The following ATP6V0A1 variants were observed in gnomAD, a reference collection of about 807,000 sequenced individuals.
The protein encoded by ATP6V0A1 is V-type proton ATPase 116 kDa subunit a 1.
A neutral mutation model predicts 105.4 loss-of-function variants in ATP6V0A1; 43 were observed. The observed-to-expected ratio is 0.41, with a 90% confidence interval of 0.32 to 0.53. ATP6V0A1 has a LOEUF of 0.53. Among genes scored for constraint, ATP6V0A1 ranks in the 20% least tolerant of loss-of-function variants. The pLI is 0.30. For missense variants in ATP6V0A1, 676 were observed against 1,051.1 expected, an observed-to-expected ratio of 0.64 and a Z score of 4.93; for synonymous variants, 362 against 372.8, an observed-to-expected ratio of 0.97 and a Z score of 0.33.
At chr17:42,480,457 A>T (rs1246828133) in intron 7 of ATP6V0A1, 6 of 444,536 alleles carry the variant, frequency 1.3e-5, no homozygotes, top group South Asian at 6.9e-5. Context: ...AAAAACAAAT[A>T]GAGAAAGATT....
intron 11 of ATP6V0A1, among the ~76,000 whole-genome samples, chr17:42,493,634 A>T (rs1243841389): frequency 6.6e-6 from 1 of 152,076 alleles, no homozygotes; most frequent in Admixed American, 6.6e-5. Flanking sequence ...CATCTAAAAA[A>T]ATATTATTTA....
At position 42,521,051 on chromosome 17, in the gene ATP6V0A1, C is replaced by T. The variant is rs761458313; in HGVS notation, c.2445C>T (p.Tyr815=). 1.9e-6 allele frequency: 3 copies of T among 1,607,620 alleles called. No individual in the cohort carries two copies. In the South Asian group the frequency reaches 3.3e-5, roughly 18 times the overall value. ...GGGTTGAGTTCCAGAATAAATTCTA[C>T]AGCGGGACCGGTTTCAAGTTCTTAC... ...LHWVEFQNKF[Y]SGTGFKFLPF... Residue 815 remains tyrosine (Y), a synonymous_variant, in exon 22 of 22, where the codon TAC becomes TAT. Coordinates refer to ENST00000343619, the MANE Select transcript of ATP6V0A1 (RefSeq NM_001130021.3). This position sits in a 1 kb window ranked among gnomAD's most constrained non-coding sequence, Gnocchi z 4.8.
At chr17:42,466,876 GGTGGCTCACACCT>G (rs1386797507) in intron 3 of ATP6V0A1, among the ~76,000 whole-genome samples, 3 of 152,200 alleles carry the variant, frequency 2.0e-5, no homozygotes, top group African/African-American at 7.2e-5. Flanking sequence ...GGCTGGGCCC[GGTGGCTCACACCT>G]GTAATCCCAG....
chr17:42,500,954 A>G (rs776180449), intron 16 of ATP6V0A1, 31 bp downstream of exon 16: 3 of 1,583,578 alleles, frequency 1.9e-6, no homozygotes, highest in East Asian at 4.5e-5. Flanking sequence ...ACTGTCTGAG[A>G]TGATTATACT....
At chr17:42,459,097 C>T (rs1318362687) in intron 1 of ATP6V0A1, 134 bp downstream of exon 1, 2 of 152,192 alleles carry the variant, frequency 1.3e-5, no homozygotes, top group East Asian at 1.9e-4. Context: ...GGGGGTTCGC[C>T]CCCTCCTTGG....
intron 3 of ATP6V0A1, among the ~76,000 whole-genome samples, chr17:42,466,974 C>T (rs891988119): frequency 7.9e-5 from 12 of 151,946 alleles, no homozygotes; most frequent in African/African-American, 2.7e-4. Flanking sequence ...GGTAAAACCC[C>T]GTCTCTACTA....
intron 1 of ATP6V0A1, among the ~76,000 whole-genome samples, chr17:42,459,621 GA>G (rs1471081925): frequency 6.6e-6 from 1 of 152,188 alleles, no homozygotes; most frequent in East Asian, 1.9e-4. Flanking sequence ...GAACTATGCT[GA>G]CCAGGCCTAA....
intron 10 of ATP6V0A1, among the ~76,000 whole-genome samples, chr17:42,488,576 A>G (rs536090008): frequency 5.3e-4 from 80 of 152,034 alleles, no homozygotes; most frequent in Non-Finnish European, 7.7e-4. Flanking sequence ...GGCTTAAGCA[A>G]TCCTCCCACT....
At chr17:42,504,892 A>G (rs1487376472) in intron 17 of ATP6V0A1, among the ~76,000 whole-genome samples, 6 of 152,180 alleles carry the variant, frequency 3.9e-5, no homozygotes, top group African/African-American at 1.2e-4. Context: ...CCTGTCTTCT[A>G]TTGATAGGTG....
At position 42,470,222 on chromosome 17, in the gene ATP6V0A1, A is replaced by G. The variant is rs1393135421; in HGVS notation, c.423+4A>G. The G allele has an allele frequency of 1.2e-6, 2 of 1,612,552 alleles. No individual in the cohort carries two copies. The highest frequency in any genetic ancestry group is 1.7e-6 in the Non-Finnish European group (2 of 1,179,338). ...AACTCAGCAATTTTTTGATGAGGTC[A>G]GACTATTGTTTCTTTTAGTATTTGA... On this transcript the variant is annotated splice_donor_region_variant and intron_variant, in intron 5 of 21. Transcript: ENST00000343619.
At position 42,521,445 on chromosome 17, in the gene ATP6V0A1, C is replaced by A. The variant is rs939733851; in HGVS notation, c.*325C>A. The A allele has an allele frequency of 1.0e-5, 2 of 199,390 alleles. No homozygotes were observed. Among genetic ancestry groups the A allele is most frequent in the African/African-American group, 2.3e-5 (1 of 43,180 alleles). The allele number at this position is 199,390 out of a possible 1,614,324, so 12.4% of individuals were successfully genotyped here. ...CGCCATCCCAAAGCCCTTTCATCTT[C>A]CCCGTGCATTGTAGATGGAAGGAGC... On this transcript the variant is annotated 3_prime_UTR_variant, in exon 22 of 22. Transcript: ENST00000343619. This position sits in a 1 kb window ranked among gnomAD's most constrained non-coding sequence, Gnocchi z 4.8.
At chr17:42,519,625 G>A (rs184500711) in intron 21 of ATP6V0A1, 1 of 152,392 alleles carries the variant, frequency 6.6e-6, no homozygotes, top group Admixed American at 6.5e-5. Flanking sequence ...GGTCTCAGTA[G>A]CTGGAACTTG....
intron 21 of ATP6V0A1, 143 bp from the exon 22 acceptor site, chr17:42,520,884 A>G (rs906765995): frequency 4.6e-5 from 33 of 714,712 alleles, no homozygotes; most frequent in South Asian, 2.6e-4. Context: ...GGATCTCTGC[A>G]CTCTGGGCTT....
At chr17:42,466,657 C>T (rs1241343276) in intron 3 of ATP6V0A1, 150 bp downstream of exon 3, 5 of 651,306 alleles carry the variant, frequency 7.7e-6, no homozygotes, top group Admixed American at 2.9e-5. Flanking sequence ...TTCTCGTATA[C>T]GAGTAGATTT....
intron 2 of ATP6V0A1, among the ~76,000 whole-genome samples, chr17:42,462,998 CTTTTTTTTTTT>C (rs35135162): frequency 4.2e-4 from 28 of 66,174 alleles, no homozygotes; most frequent in Non-Finnish European, 6.7e-4. Flanking sequence ...GGATATGGAA[CTTTTTTTTTTT>C]TTTTTTTTTT....
intron 2 of ATP6V0A1, among the ~76,000 whole-genome samples, chr17:42,465,073 A>G (rs938648292): frequency 1.3e-5 from 2 of 151,860 alleles, no homozygotes; most frequent in Non-Finnish European, 2.9e-5. Context: ...GCTCACTGCA[A>G]CCTCTCCCTC....
At chr17:42,494,185 G>A (rs2090933130) in intron 11 of ATP6V0A1, 149 bp from the exon 12 acceptor site, 1 of 747,592 alleles carries the variant, frequency 1.3e-6, no homozygotes, top group Non-Finnish European at 2.0e-6. Context: ...GGAGGTTGCA[G>A]TGAGCCAAGA....
rs1488339939 is a variant in ATP6V0A1, at chr17:42,521,476, T to C, written c.*356T>C. 5.9e-6 allele frequency: 1 copy of C among 170,772 alleles called. No homozygotes were observed. The highest frequency in any genetic ancestry group is 2.4e-5 in the African/African-American group (1 of 42,110). 10.6% of individuals were successfully genotyped at this position (170,772 alleles called of 1,614,324 possible). On this transcript the variant is annotated 3_prime_UTR_variant, in exon 22 of 22. Transcript: ENST00000343619. This position sits in a 1 kb window ranked among gnomAD's most constrained non-coding sequence, Gnocchi z 4.8. ...GCATTGTAGATGGAAGGAGCACCCA[T>C]GCCATTCACATCTAGACTTTGAGTT... is the stretch of plus-strand genomic sequence containing the variant.
chr17:42,513,484 C>G (rs2092452057), intron 19 of ATP6V0A1: 1 of 182,272 alleles, frequency 5.5e-6, no homozygotes, highest in African/African-American at 2.4e-5. Context: ...CAGACCCAGA[C>G]AGTCACTTTC....
Sources: allele counts gnomAD v4.1 joint callset (sites outside exome capture counted in the v4.1 genomes callset), GRCh38; gene constraint gnomAD v4.1.1; non-coding constraint Gnocchi (gnomAD v3.1); transcripts MANE v1.5; gene names NCBI Gene and HGNC (gene_info 2026-07-23, HGNC 2026-07-21).